Variants in CADM2 observed in about 807,000 individuals in gnomAD.
The protein encoded by CADM2 is cell adhesion molecule 2.
Under a neutral mutation model 49.8 loss-of-function variants are expected in CADM2, and 12 were observed. The ratio of observed to expected loss-of-function variants is 0.24; its 90% confidence interval spans 0.15 to 0.39. CADM2 has a LOEUF of 0.39. Among genes scored for constraint, CADM2 ranks in the 10% least tolerant of loss-of-function variants. The pLI is 1.00. For synonymous variants in CADM2, 214 were observed against 175.4 expected, an observed-to-expected ratio of 1.22 and a Z score of -1.74; for missense variants, 378 against 492.3, an observed-to-expected ratio of 0.77 and a Z score of 2.20.
chr3:85,563,518 C>T (rs1208310929), intron 1 of CADM2, among the ~76,000 whole-genome samples: 1 of 151,740 alleles, frequency 6.6e-6, no homozygotes. Flanking sequence ...ATTACTATTT[C>T]TGATTTTTGT....
At chr3:85,273,421 A>C (rs2106854748) in intron 1 of CADM2, among the ~76,000 whole-genome samples, 1 of 151,472 alleles carries the variant, frequency 6.6e-6, no homozygotes, top group Admixed American at 6.6e-5. Flanking sequence ...GAATTGTGAG[A>C]CTACTGGCAA....
At chr3:85,811,391 C>A (rs2072868560) in intron 3 of CADM2, among the ~76,000 whole-genome samples, 1 of 152,166 alleles carries the variant, frequency 6.6e-6, no homozygotes, top group African/African-American at 2.4e-5. Context: ...CAGTTTTATT[C>A]TACCTTCTAA....
At chr3:85,471,469 C>G (rs954091812) in intron 1 of CADM2, among the ~76,000 whole-genome samples, 7 of 151,962 alleles carry the variant, frequency 4.6e-5, no homozygotes, top group Non-Finnish European at 8.8e-5. Flanking sequence ...ACAGAGAAAA[C>G]CAAATGTAGG....
At chr3:85,056,903 C>G (rs2036102211) in intron 1 of CADM2, among the ~76,000 whole-genome samples, 1 of 152,030 alleles carries the variant, frequency 6.6e-6, no homozygotes, top group Admixed American at 6.6e-5. Context: ...GTATAATCAT[C>G]TCTGAAGGTT....
intron 1 of CADM2, among the ~76,000 whole-genome samples, chr3:85,282,185 T>A (rs1488655609): frequency 6.6e-6 from 1 of 151,676 alleles, no homozygotes; most frequent in Admixed American, 6.6e-5. Context: ...TGTCATTTTT[T>A]TTTAAATTAG....
At chr3:85,997,054 C>G (rs962816353) in intron 8 of CADM2, among the ~76,000 whole-genome samples, 1 of 152,208 alleles carries the variant, frequency 6.6e-6, no homozygotes, top group Admixed American at 6.5e-5. Flanking sequence ...CCATAAACTA[C>G]TTTGCTAAAA....
chr3:85,270,467 G>A (rs1474128299), intron 1 of CADM2, among the ~76,000 whole-genome samples: 1 of 151,266 alleles, frequency 6.6e-6, no homozygotes, highest in Non-Finnish European at 1.5e-5. Context: ...CACCCATCAT[G>A]CCTAAAACAT....
At chr3:85,184,629 A>C (rs1029302159) in intron 1 of CADM2, among the ~76,000 whole-genome samples, 2 of 152,082 alleles carry the variant, frequency 1.3e-5, no homozygotes, top group South Asian at 4.1e-4. Flanking sequence ...ATGTAGGGTA[A>C]AGTAGACCTT....
In CADM2 at chr3:85,811,959, T is replaced by A. The variant is rs1320844858; in HGVS notation, c.238+9763T>A. 3.3e-5 allele frequency among the ~76,000 whole-genome samples: 5 copies of A among 151,438 alleles called. No homozygotes were observed. In the East Asian group the frequency reaches 9.7e-4, roughly 29 times the overall value. On this transcript the variant is annotated intron_variant, in intron 3 of 9. Transcript: ENST00000383699. ...CTAAACAAGTGTCAATCTGTGCACA[T>A]CTAAGCATATTTGATAGTTGAAAGA... is the stretch of plus-strand genomic sequence containing the variant.
chr3:86,060,057 A>T (rs1738433385), intron 8 of CADM2, among the ~76,000 whole-genome samples: 1 of 152,098 alleles, frequency 6.6e-6, no homozygotes, highest in Admixed American at 6.6e-5. Context: ...TCCTTCACAG[A>T]TTATAAGAAT....
At chr3:85,894,281 T>G (rs1278132345) in intron 5 of CADM2, among the ~76,000 whole-genome samples, 2 of 152,050 alleles carry the variant, frequency 1.3e-5, no homozygotes, top group Non-Finnish European at 2.9e-5. Context: ...CTCACTCATA[T>G]GTGGGAATTG....
chr3:86,036,853 G>A (rs1298772571), intron 8 of CADM2, among the ~76,000 whole-genome samples: 1 of 152,104 alleles, frequency 6.6e-6, no homozygotes, highest in African/African-American at 2.4e-5. Flanking sequence ...GTTATTTTTA[G>A]CATTCCTTTT....
At chr3:86,065,351 A>T (rs1739182903) in intron 8 of CADM2, among the ~76,000 whole-genome samples, 1 of 152,240 alleles carries the variant, frequency 6.6e-6, no homozygotes, top group Admixed American at 6.5e-5. Flanking sequence ...ATACAAAATT[A>T]TATATGTATA....
At chr3:85,982,921 T>G (rs997772999) in intron 8 of CADM2, among the ~76,000 whole-genome samples, 1 of 151,736 alleles carries the variant, frequency 6.6e-6, no homozygotes, top group African/African-American at 2.4e-5. Flanking sequence ...TTCAATAATT[T>G]GAAATCAACT....
chr3:85,940,857 T>G (rs1721803274), intron 7 of CADM2, among the ~76,000 whole-genome samples: 1 of 152,090 alleles, frequency 6.6e-6, no homozygotes, highest in Admixed American at 6.6e-5. Flanking sequence ...TTGATGAACT[T>G]TATTTTTAGA....
At chr3:85,321,117 T>TATA (rs1559778035) in intron 1 of CADM2, among the ~76,000 whole-genome samples, 6 of 4,718 alleles carry the variant, frequency 1.3e-3, no homozygotes, top group East Asian at 0.015. Flanking sequence ...TATATATATA[T>TATA]TTTTTTTTTT....
intron 1 of CADM2, among the ~76,000 whole-genome samples, chr3:85,580,810 C>A (rs2062772578): frequency 6.6e-6 from 1 of 152,008 alleles, no homozygotes; most frequent in Non-Finnish European, 1.5e-5. Context: ...TTATAATAAT[C>A]TTTCATTTGT....
At chr3:85,651,424 T>C (rs926854104) in intron 1 of CADM2, among the ~76,000 whole-genome samples, 1 of 152,292 alleles carries the variant, frequency 6.6e-6, no homozygotes, top group Admixed American at 6.5e-5. Flanking sequence ...GTTGTTTTCC[T>C]TGTATATTAT....
At chr3:85,221,517 A>C (rs1431561477) in intron 1 of CADM2, among the ~76,000 whole-genome samples, 1 of 152,078 alleles carries the variant, frequency 6.6e-6, no homozygotes, top group Non-Finnish European at 1.5e-5. Context: ...ACAAACAAAA[A>C]ATTAGGTGAG....
Sources: gnomAD v4.1 joint callset for allele counts (sites outside exome capture counted in the v4.1 genomes callset) on GRCh38, gnomAD v4.1.1 for gene constraint, MANE v1.5 for transcripts, NCBI Gene and HGNC (gene_info 2026-07-23, HGNC 2026-07-21) for gene names.